The following BMPR2 variants were observed in gnomAD, a reference collection of about 807,000 sequenced individuals.
The protein encoded by BMPR2 is bone morphogenetic protein receptor type-2.
In BMPR2, 29 loss-of-function variants were observed where a neutral mutation model predicts 100.8. The observed-to-expected ratio is 0.29, with a 90% CI of 0.21 to 0.39. The LOEUF (loss-of-function observed/expected upper bound fraction) is 0.39. Ranked by LOEUF, BMPR2 falls within the 10% of genes least tolerant of loss-of-function variation. BMPR2 has a pLI of 1.00. For synonymous variants in BMPR2, 382 were observed against 442.3 expected (o/e 0.86, Z 1.71); for missense variants, 1,011 against 1,274.5 (o/e 0.79, Z 3.15).
chr2:202,400,182 C>G (rs1478143373), intron 1 of BMPR2, among the ~76,000 whole-genome samples: 1 of 152,080 alleles, frequency 6.6e-6, no homozygotes, highest in African/African-American at 2.4e-5. Context: ...CTCTGTCACT[C>G]TCAGGCTGGA....
chr2:202,486,505 G>A (rs943766999), intron 3 of BMPR2, among the ~76,000 whole-genome samples: 4 of 151,826 alleles, frequency 2.6e-5, no homozygotes, highest in Admixed American at 6.6e-5. Flanking sequence ...GGTGGTGCAC[G>A]CCTGTAGTCC....
chr2:202,532,196 C>T lies in BMPR2; in HGVS notation c.1129-389C>T, dbSNP rs1337959965. On this transcript the variant is annotated intron_variant, in intron 8 of 12. Transcript: ENST00000374580. This position sits in a 1 kb window ranked among gnomAD's most constrained non-coding sequence, Gnocchi z 4.1. ...GACCTTGAGATCCACCCGCCTTGGC[C>T]TCCCAAAGTGCTAGGATTACAGGCA... Among the ~76,000 whole-genome samples, 1 of 151,934 alleles carries T rather than the reference C, an allele frequency of 6.6e-6. No homozygotes were observed. Among genetic ancestry groups the T allele is most frequent in the East Asian group, 1.9e-4 (1 of 5,186 alleles).
At chr2:202,397,416 T>C (rs1363621503) in intron 1 of BMPR2, among the ~76,000 whole-genome samples, 2 of 152,104 alleles carry the variant, frequency 1.3e-5, no homozygotes, top group Non-Finnish European at 2.9e-5. Flanking sequence ...TAGATTACAG[T>C]AATAAGAAAG....
rs1352688330 is a variant in BMPR2, at chr2:202,560,016, A to T, written c.*70A>T. ...AAACATGCAGAAGATGTTTAAAAAT[A>T]AAAAAAAAACTGCTTTATCCTCCTG... On this transcript the variant is annotated 3_prime_UTR_variant, in exon 13 of 13. Transcript: ENST00000374580. 7.4e-6 allele frequency: 11 copies of T among 1,496,158 alleles called. No homozygotes were observed. The highest frequency in any genetic ancestry group is 2.4e-5 in the East Asian group (1 of 42,476). 92.7% of individuals were successfully genotyped at this position (1,496,158 alleles called of 1,614,324 possible). A position where few individuals can be genotyped will look rare whatever the true frequency, so the allele number is the denominator to read the frequency against.
At chr2:202,398,929 G>A (rs762549776) in intron 1 of BMPR2, among the ~76,000 whole-genome samples, 2 of 152,128 alleles carry the variant, frequency 1.3e-5, no homozygotes, top group Non-Finnish European at 2.9e-5. Context: ...GGGAGTTCGA[G>A]ATCAGTGTGA....
chr2:202,411,381 T>C (rs911059117), intron 1 of BMPR2, among the ~76,000 whole-genome samples: 1 of 152,186 alleles, frequency 6.6e-6, no homozygotes, highest in East Asian at 1.9e-4. Context: ...GCAGGCTTTA[T>C]TGGTAGAAAA....
At chr2:202,451,600 G>T (rs1415389094) in intron 1 of BMPR2, among the ~76,000 whole-genome samples, 5 of 152,114 alleles carry the variant, frequency 3.3e-5, no homozygotes, top group African/African-American at 1.2e-4. Flanking sequence ...TCGGGTGGCT[G>T]AGGCAGGAGA....
At chr2:202,522,506 C>CAAAA (rs770945860) in intron 7 of BMPR2, among the ~76,000 whole-genome samples, 1 of 107,648 alleles carries the variant, frequency 9.3e-6, no homozygotes, top group Admixed American at 9.2e-5. Flanking sequence ...GACTCCCTCT[C>CAAAA]AAAAAAAAAA....
intron 3 of BMPR2, among the ~76,000 whole-genome samples, chr2:202,486,053 T>G (rs1362825063): frequency 6.6e-6 from 1 of 152,068 alleles, no homozygotes; most frequent in Non-Finnish European, 1.5e-5. Flanking sequence ...AAGTTCCTGG[T>G]CTACACTCAT....
At chr2:202,519,311 C>G (rs1191073030) in intron 6 of BMPR2, among the ~76,000 whole-genome samples, 2 of 151,934 alleles carry the variant, frequency 1.3e-5, no homozygotes, top group Non-Finnish European at 2.9e-5. Flanking sequence ...TGCAGGGAGC[C>G]GAGATTGTAC....
In BMPR2 at chr2:202,555,973, C is replaced by T. The variant is rs563983435; in HGVS notation, c.2308C>T (p.Arg770Trp). The T allele has an allele frequency of 1.8e-5, 29 of 1,614,052 alleles. No homozygotes were observed. Among genetic ancestry groups the T allele is most frequent in the South Asian group, 5.5e-5 (5 of 91,078 alleles). The change falls in exon 12 of 13, where the codon CGG (arginine) becomes TGG (tryptophan). Residue 770 changes from arginine to tryptophan, a missense_variant. Physicochemically the swap from Arg to Trp is moderately radical, Grantham distance 101. This residue lies in a region of BMPR2 where 508 missense variants were observed against 552.0 expected (regional missense o/e 0.92). Transcript: ENST00000374580. ...CACCAAAAATTCAACAAAAGAGCCCCGGCTAAAATTTGGCAGCAAGCACAA... is the reference window on the plus strand; with the variant it reads ...CACCAAAAATTCAACAAAAGAGCCCTGGCTAAAATTTGGCAGCAAGCACAA... ...LNTKNSTKEP[R>W]LKFGSKHKSN...
chr2:202,395,074 G>A (rs1255291355), intron 1 of BMPR2, among the ~76,000 whole-genome samples: 1 of 151,378 alleles, frequency 6.6e-6, no homozygotes, highest in East Asian at 1.9e-4. Flanking sequence ...AGCAGAGACA[G>A]GATTTCACCA....
rs1473301903 is a variant in BMPR2 at position 202,565,290 on chromosome 2, C to A, written c.*5344C>A. ...AATGAACACTTAAGTCTCAATTCTTCAGACAAAATTGCTTAAGCTCTTCTC... is the reference window on the plus strand; with the variant it reads ...AATGAACACTTAAGTCTCAATTCTTAAGACAAAATTGCTTAAGCTCTTCTC... On this transcript the variant is annotated 3_prime_UTR_variant, in exon 13 of 13. Transcript: ENST00000374580. 6.6e-6 allele frequency: 1 copy of A among 152,172 alleles called. No individual in the cohort carries two copies. Among genetic ancestry groups the A allele is most frequent in the Non-Finnish European group, 1.5e-5 (1 of 68,038 alleles). The allele number at this position is 152,172 out of a possible 1,614,324, so 9.4% of individuals were successfully genotyped here. A position where few individuals can be genotyped will look rare whatever the true frequency, so the allele number is the denominator to read the frequency against.
At chr2:202,502,084 C>A (rs1437832113) in intron 3 of BMPR2, among the ~76,000 whole-genome samples, 1 of 152,178 alleles carries the variant, frequency 6.6e-6, no homozygotes, top group African/African-American at 2.4e-5. Flanking sequence ...TTACCTGAGC[C>A]TTAGAACTGG....
At chr2:202,539,973 CATG>C (rs1688242682) in intron 9 of BMPR2, among the ~76,000 whole-genome samples, 3 of 152,074 alleles carry the variant, frequency 2.0e-5, no homozygotes, top group Admixed American at 2.0e-4. Context: ...TATTATCTTC[CATG>C]ATGATGATTT....
intron 3 of BMPR2, chr2:202,474,894 T>A (rs1185170417): frequency 6.6e-6 from 1 of 152,160 alleles, no homozygotes; most frequent in Non-Finnish European, 1.5e-5. Context: ...TATTCATGTA[T>A]TATTTGTGTA....
intron 7 of BMPR2, among the ~76,000 whole-genome samples, chr2:202,529,371 A>ATT (rs1282530079): frequency 6.6e-6 from 1 of 152,242 alleles, no homozygotes; most frequent in Non-Finnish European, 1.5e-5. Context: ...AGAAAATTAA[A>ATT]ATGAGTACAG....
chr2:202,536,088 G>A (rs1470721666), intron 9 of BMPR2, among the ~76,000 whole-genome samples: 3 of 151,974 alleles, frequency 2.0e-5, no homozygotes, highest in Non-Finnish European at 1.5e-5. Context: ...GGGAGACCGT[G>A]GGGAGAGGGA....
At chr2:202,385,646 G>A (rs1285883992) in intron 1 of BMPR2, among the ~76,000 whole-genome samples, 3 of 142,076 alleles carry the variant, frequency 2.1e-5, no homozygotes, top group African/African-American at 7.7e-5. Context: ...TTACAGGCGT[G>A]AGCCACCACG....
Sources: gnomAD v4.1 joint callset for allele counts (sites outside exome capture counted in the v4.1 genomes callset) on GRCh38, gnomAD v4.1.1 for gene constraint, gnomAD v4.1.1 regional missense constraint, Gnocchi (gnomAD v3.1) non-coding constraint, MANE v1.5 for transcripts, NCBI Gene and HGNC (gene_info 2026-07-23, HGNC 2026-07-21) for gene names.